Variants in RELN observed in about 807,000 individuals in gnomAD.
RELN encodes reelin.
In RELN, 108 loss-of-function variants were observed where a neutral mutation model predicts 427.6. The observed-to-expected ratio is 0.25, with a 90% CI of 0.22 to 0.30. The LOEUF (loss-of-function observed/expected upper bound fraction) is 0.30. Ranked by LOEUF, RELN falls within the 10% of genes least tolerant of loss-of-function variation. The pLI is 1.00. For missense variants in RELN, 3,715 were observed against 4,302.8 expected (o/e 0.86, Z 3.82); for synonymous variants, 1,524 against 1,513.4 (o/e 1.01, Z -0.16).
chr7:103,973,833 A>G (rs1796813199), intron 1 of RELN, among the ~76,000 whole-genome samples: 1 of 152,236 alleles, frequency 6.6e-6, no homozygotes. Context: ...AAAATAACAA[A>G]AAGTATGTCA....
At chr7:103,832,214 T>C (rs1793291128) in intron 3 of RELN, among the ~76,000 whole-genome samples, 1 of 152,202 alleles carries the variant, frequency 6.6e-6, no homozygotes. Context: ...GGATTTTGTC[T>C]GAGCAGAAAG....
intron 4 of RELN, among the ~76,000 whole-genome samples, chr7:103,770,550 C>T (rs1159515106): frequency 1.3e-5 from 2 of 152,130 alleles, no homozygotes; most frequent in African/African-American, 4.8e-5. Context: ...GGCTGCAAGG[C>T]ACTGGAAGCC....
intron 8 of RELN, among the ~76,000 whole-genome samples, chr7:103,707,000 G>T (rs1834217029): frequency 1.3e-5 from 2 of 152,084 alleles, no homozygotes; most frequent in South Asian, 2.1e-4. Context: ...TATAGACAGG[G>T]GTCTCACTGT....
chr7:103,531,328 T>C (rs540798481), intron 46 of RELN, among the ~76,000 whole-genome samples: 1 of 152,340 alleles, frequency 6.6e-6, no homozygotes, highest in African/African-American at 2.4e-5. Context: ...TAAATCATCT[T>C]CTTTCAGGAA....
intron 2 of RELN, among the ~76,000 whole-genome samples, chr7:103,903,568 C>A (rs566083165): frequency 6.6e-6 from 1 of 152,080 alleles, no homozygotes; most frequent in Non-Finnish European, 1.5e-5. Context: ...AAAATTATAA[C>A]ATTATTTTCA....
chr7:103,551,546 G>A (rs928966777), intron 40 of RELN, among the ~76,000 whole-genome samples: 2 of 152,180 alleles, frequency 1.3e-5, no homozygotes. Flanking sequence ...AGCAGGAAGT[G>A]GGTAAGGCAG....
rs114106438 is a variant in RELN, at chr7:103,650,317, T to A, written c.1959A>T (p.Arg653Ser). The A allele has an allele frequency of 6.2e-7, 1 of 1,612,926 alleles. No homozygotes were observed. Among genetic ancestry groups the A allele is most frequent in the East Asian group, 2.2e-5 (1 of 44,830 alleles). The change falls in exon 16 of 65, where the codon AGA (arginine) becomes AGT (serine). Residue 653 changes from arginine (R) to serine (S), a missense_variant. Physicochemically the swap from Arg to Ser is moderately radical, Grantham distance 110 (BLOSUM62 -1). Around this residue, in one of 4 missense-constraint regions of RELN, gnomAD observed 2,208 missense variants for 2,361.7 expected, o/e 0.93. Coordinates refer to ENST00000428762, the MANE Select transcript of RELN (RefSeq NM_005045.4). ...ALTRNTRIRW[R>S]QTGPILGNMW... ...TGTTTCCAAGGATTGGTCCTGTTTG[T>A]CTCCAGCGAATCCTGGTGTTCCGGG...
Position 103,566,702 on chromosome 7 carries a change from A to G in RELN, c.4646T>C (p.Leu1549Ser). Residue 1549 changes from leucine to serine, a missense_variant, in exon 32 of 65, where the codon TTG (leucine) becomes TCG (serine). Leu to Ser is a moderately radical substitution (Grantham distance 145). Around this residue, in one of 4 missense-constraint regions of RELN, gnomAD observed 2,208 missense variants for 2,361.7 expected, o/e 0.93. Coordinates refer to ENST00000428762, the MANE Select transcript of RELN (RefSeq NM_005045.4). ...TGGTTCCAGGAAGGACATGAAGTCC[A>G]ACTCTCGAAGCAAATGCCAGAGTAT... is the stretch of plus-strand genomic sequence containing the variant. ...NGILWHLLRE[L>S]DFMSFLEPQI... 1.2e-6 allele frequency: 2 copies of G among 1,614,156 alleles called. No homozygotes were observed. Among genetic ancestry groups the G allele is most frequent in the South Asian group, 2.2e-5 (2 of 91,086 alleles).
At chr7:103,902,181 C>T (rs1019951074) in intron 2 of RELN, among the ~76,000 whole-genome samples, 2 of 151,920 alleles carry the variant, frequency 1.3e-5, no homozygotes, top group African/African-American at 4.8e-5. Flanking sequence ...TACTCTAGAG[C>T]TGGTCGTTTG....
At chr7:103,837,327 G>T (rs1247070451) in intron 2 of RELN, among the ~76,000 whole-genome samples, 1 of 152,146 alleles carries the variant, frequency 6.6e-6, no homozygotes, top group Non-Finnish European at 1.5e-5. Context: ...CTTAGCATCA[G>T]TTAGAAGGTT....
chr7:103,637,321 A>C (rs1238409860), intron 17 of RELN, among the ~76,000 whole-genome samples: 1 of 152,044 alleles, frequency 6.6e-6, no homozygotes, highest in Non-Finnish European at 1.5e-5. Flanking sequence ...TATCTTTTTG[A>C]GTGGGGGATT....
At chr7:103,542,972 T>TTGAC in intron 42 of RELN, 94 bp from the exon 43 acceptor site, 1 of 1,281,420 alleles carries the variant, frequency 7.8e-7, no homozygotes, top group Non-Finnish European at 1.1e-6. Flanking sequence ...CATTATGTAG[T>TTGAC]TTCAAAATAT....
chr7:103,727,382 T>C (rs1404739783), intron 7 of RELN, among the ~76,000 whole-genome samples: 2 of 152,100 alleles, frequency 1.3e-5, no homozygotes, highest in Non-Finnish European at 2.9e-5. Flanking sequence ...GATATAACAA[T>C]TGCTTTTATA....
Position 103,603,481 on chromosome 7 carries a change from C to G in RELN, c.3156G>C (p.Gln1052His). Reference protein sequence around the residue: ...SCDHGICRCDQGYQGTECHPE... With the variant: ...SCDHGICRCDHGYQGTECHPE... ...GGTGGCATTCAGTGCCTTGGTACCC[C>G]TGGTCACACCTATGAGAGAGCAGGG... is the stretch of plus-strand genomic sequence containing the variant. The change falls in exon 24 of 65, where the codon CAG becomes CAC. Residue 1052 changes from glutamine to histidine, a missense_variant. Gln to His is a conservative substitution (Grantham distance 24). Coordinates refer to ENST00000428762, the MANE Select transcript of RELN (RefSeq NM_005045.4). This position sits in a 1 kb window ranked among gnomAD's most constrained non-coding sequence, Gnocchi z 4.3. 6.2e-7 allele frequency: 1 copy of G among 1,613,756 alleles called. No individual in the cohort carries two copies. The highest frequency in any genetic ancestry group is 8.5e-7 in the Non-Finnish European group (1 of 1,179,742).
At chr7:103,947,077 A>G (rs1356405465) in intron 1 of RELN, among the ~76,000 whole-genome samples, 1 of 152,206 alleles carries the variant, frequency 6.6e-6, no homozygotes. Context: ...CCTCTCAGCC[A>G]TCTTAAAACT....
intron 8 of RELN, among the ~76,000 whole-genome samples, chr7:103,718,490 G>A (rs1166767408): frequency 1.3e-5 from 2 of 152,092 alleles, no homozygotes; most frequent in East Asian, 3.9e-4. Flanking sequence ...ATAAACACTT[G>A]CATATGTATT....
rs139046718 is a variant in RELN, at chr7:103,606,431, G to C, written c.3009-1948C>G. On this transcript the variant is annotated intron_variant, in intron 22 of 64. Coordinates refer to ENST00000428762, the MANE Select transcript of RELN (RefSeq NM_005045.4). ...ACCCTGGTTCTGCAACTTAGCAGCT[G>C]TGTGACCTTTAGTGAGAAATATAAG... Among the ~76,000 whole-genome samples the C allele has an allele frequency of 7.4e-3, 1,124 of 152,310 alleles. 8 individuals are homozygous for C. The highest frequency in any genetic ancestry group is 0.011 in the Non-Finnish European group (746 of 68,018).
intron 57 of RELN, among the ~76,000 whole-genome samples, chr7:103,493,688 CAG>C (rs1450632691): frequency 6.6e-6 from 1 of 151,908 alleles, no homozygotes; most frequent in African/African-American, 2.4e-5. Flanking sequence ...AAGAAGATAA[CAG>C]ATATCAAAGA....
intron 28 of RELN, among the ~76,000 whole-genome samples, chr7:103,577,340 G>A (rs1231963681): frequency 6.6e-6 from 1 of 152,046 alleles, no homozygotes; most frequent in Non-Finnish European, 1.5e-5. Flanking sequence ...CCTACTCATG[G>A]CAACTTTATA....
Sources: allele counts gnomAD v4.1 joint callset (sites outside exome capture counted in the v4.1 genomes callset), GRCh38; gene constraint gnomAD v4.1.1; regional missense constraint gnomAD v4.1.1; non-coding constraint Gnocchi (gnomAD v3.1); transcripts MANE v1.5; gene names NCBI Gene and HGNC (gene_info 2026-07-23, HGNC 2026-07-21).